The following PLEKHG1 variants were observed in gnomAD, a reference collection of about 807,000 sequenced individuals.
PLEKHG1 encodes pleckstrin homology and RhoGEF domain containing G1, also known as pleckstrin homology domain-containing family G member 1.
In PLEKHG1, 44 loss-of-function variants were observed where a neutral mutation model predicts 100.8. The ratio of observed to expected loss-of-function variants is 0.44; its 90% confidence interval spans 0.34 to 0.56. The LOEUF (loss-of-function observed/expected upper bound fraction) is 0.56, where lower values mean the gene tolerates loss of function less well. Among genes scored for constraint, PLEKHG1 ranks in the 20% least tolerant of loss-of-function variants. The pLI is 0.01. For missense variants in PLEKHG1, 1,545 were observed against 1,720.9 expected, an observed-to-expected ratio of 0.90 and a Z score of 1.81; for synonymous variants, 640 against 662.5, an observed-to-expected ratio of 0.97 and a Z score of 0.52.
chr6:150,823,519 GATCTATAGGGC>G, intron 13 of PLEKHG1, 124 bp from the exon 15 acceptor site: 1 of 615,004 alleles, frequency 1.6e-6, no homozygotes, highest in Non-Finnish European at 2.9e-6. Flanking sequence ...CTGAAAATTA[GATCTATAGGGC>G]CCAGAAGTCA....
At position 150,779,344 on chromosome 6, in the gene PLEKHG1, G is replaced by GTTTTTTTTTTTT. The variant is rs71554482; in HGVS notation, c.513-7038_513-7027dup. Among the ~76,000 whole-genome samples, 224 of 104,500 alleles carry GTTTTTTTTTTTT rather than the reference G, an allele frequency of 2.1e-3. 5 individuals are homozygous for GTTTTTTTTTTTT. Among genetic ancestry groups the GTTTTTTTTTTTT allele is most frequent in the African/African-American group, 9.2e-3 (214 of 23,198 alleles). 68.6% of individuals were successfully genotyped at this position (104,500 alleles called of 152,430 possible). On this transcript the variant is annotated intron_variant, in intron 3 of 15. Transcript: ENST00000358517. ...ACAGGGGGTTAAATATTGTCAAGAA[G>GTTTTTTTTTTTT]TTTTTTTTTTTTTTTTTTTGAGACA...
intron 1 of PLEKHG1, among the ~76,000 whole-genome samples, chr6:150,632,396 C>G (rs960110253): frequency 1.3e-5 from 2 of 152,224 alleles, no homozygotes; most frequent in Non-Finnish European, 2.9e-5. Flanking sequence ...CTTTTATCAT[C>G]GGCCTTGGCC....
chr6:150,619,267 T>C (rs1582821856), intron 1 of PLEKHG1, among the ~76,000 whole-genome samples: 2 of 152,136 alleles, frequency 1.3e-5, no homozygotes, highest in African/African-American at 4.8e-5. Context: ...TCCAGTGGTC[T>C]CCTTTGCACT....
In PLEKHG1 at chr6:150,787,938, A is replaced by G. The variant is rs564395261; in HGVS notation, c.582+1479A>G. 3.3e-5 allele frequency among the ~76,000 whole-genome samples: 5 copies of G among 152,356 alleles called. No homozygotes were observed. In the East Asian group the frequency reaches 9.6e-4, roughly 29 times the overall value. On this transcript the variant is annotated intron_variant, in intron 4 of 15. Coordinates refer to ENST00000358517, the Ensembl canonical transcript of PLEKHG1. Reference sequence around the variant, plus strand: ...GGATTTGAAAAAAAGAAGAAAAATGAAAGAAGGCAAAATGGCTAAAAAGAT... The same window carrying G: ...GGATTTGAAAAAAAGAAGAAAAATGGAAGAAGGCAAAATGGCTAAAAAGAT...
intron 3 of PLEKHG1, among the ~76,000 whole-genome samples, chr6:150,706,613 C>A (rs1464514899): frequency 9.0e-5 from 13 of 143,968 alleles, no homozygotes; most frequent in African/African-American, 7.6e-5. Context: ...GACTCTGTCT[C>A]AAAAAAAAAA....
chr6:150,727,391 A>G (rs1782011455), intron 1 of PLEKHG1, among the ~76,000 whole-genome samples: 1 of 152,224 alleles, frequency 6.6e-6, no homozygotes, highest in Non-Finnish European at 1.5e-5. Flanking sequence ...CTAAGAAACC[A>G]GAGCCAAGAA....
intron 3 of PLEKHG1, among the ~76,000 whole-genome samples, chr6:150,673,701 C>A (rs1260725037): frequency 6.6e-6 from 1 of 151,930 alleles, no homozygotes; most frequent in South Asian, 2.1e-4. Flanking sequence ...TACTCTGTCA[C>A]CCAGGCTGGA....
exon 16 of PLEKHG1, chr6:150,840,535 A>G (rs1048009587): frequency 6.2e-7 from 1 of 1,614,154 alleles, no homozygotes; most frequent in South Asian, 1.1e-5. Context: ...ACACAGAATT[A>G]TTTTTCCAAT....
intron 13 of PLEKHG1, among the ~76,000 whole-genome samples, chr6:150,821,641 G>A (rs993447076): frequency 2.0e-5 from 3 of 151,628 alleles, no homozygotes; most frequent in Admixed American, 6.6e-5. Context: ...CCGAGATCAC[G>A]CCATTGCACT....
At chr6:150,689,335 A>T (rs889715184) in intron 3 of PLEKHG1, among the ~76,000 whole-genome samples, 5 of 152,120 alleles carry the variant, frequency 3.3e-5, no homozygotes, top group Admixed American at 1.3e-4. Context: ...TTTTCAACCT[A>T]CTGGTATTTT....
intron 14 of PLEKHG1, chr6:150,828,352 A>C: frequency 1.9e-6 from 3 of 1,610,566 alleles, no homozygotes; most frequent in East Asian, 4.5e-5. Flanking sequence ...CTCTGTCCTC[A>C]TGAAGAGGGA....
chr6:150,822,605 AAAG>A (rs1416802273), intron 13 of PLEKHG1, among the ~76,000 whole-genome samples: 2 of 152,256 alleles, frequency 1.3e-5, no homozygotes, highest in African/African-American at 2.4e-5. Flanking sequence ...TGTCAAAAAT[AAAG>A]AAGATCTCTA....
chr6:150,787,001 G>C (rs1364056640), intron 4 of PLEKHG1, among the ~76,000 whole-genome samples: 1 of 141,466 alleles, frequency 7.1e-6, no homozygotes, highest in African/African-American at 2.7e-5. Flanking sequence ...TTGCACTCCA[G>C]CCTGGGTGAC....
At position 150,733,573 on chromosome 6, in the gene PLEKHG1, A is replaced by C. The variant is rs1224981519; in HGVS notation, c.-98-11A>C. 1.4e-5 allele frequency: 22 copies of C among 1,590,456 alleles called. No homozygotes were observed. The highest frequency in any genetic ancestry group is 1.7e-5 in the Non-Finnish European group (20 of 1,168,842). On this transcript the variant is annotated splice_polypyrimidine_tract_variant and intron_variant, in intron 1 of 15. Coordinates refer to ENST00000358517, the Ensembl canonical transcript of PLEKHG1. ...TTATCTTGTCCTTTTTATTTTCTTT[A>C]ATGCATATAGATGGGCACCAGTTGC... is the stretch of plus-strand genomic sequence containing the variant.
chr6:150,835,193 T>A (rs1490029789), intron 15 of PLEKHG1, among the ~76,000 whole-genome samples: 1 of 152,116 alleles, frequency 6.6e-6, no homozygotes, highest in African/African-American at 2.4e-5. Flanking sequence ...TGCTCCCATA[T>A]CTTAGAGCCT....
At chr6:150,787,208 G>A (rs1242412165) in intron 4 of PLEKHG1, among the ~76,000 whole-genome samples, 2 of 152,132 alleles carry the variant, frequency 1.3e-5, no homozygotes, top group Non-Finnish European at 2.9e-5. Flanking sequence ...GAGGGATAGA[G>A]AGAAGCAGAA....
chr6:150,620,009 C>T (rs1259804484), intron 1 of PLEKHG1, among the ~76,000 whole-genome samples: 1 of 152,208 alleles, frequency 6.6e-6, no homozygotes, highest in African/African-American at 2.4e-5. Flanking sequence ...ATCTCATTAA[C>T]ACCAGCATTT....
intron 3 of PLEKHG1, among the ~76,000 whole-genome samples, chr6:150,668,999 A>G (rs144094984): frequency 6.6e-6 from 1 of 152,178 alleles, no homozygotes; most frequent in Non-Finnish European, 1.5e-5. Context: ...GCCATTGTTA[A>G]TCTGGATTTA....
chr6:150,628,578 C>CACACACACA (rs1263436444), intron 1 of PLEKHG1, among the ~76,000 whole-genome samples: 8 of 32,134 alleles, frequency 2.5e-4, no homozygotes, highest in South Asian at 1.2e-3. Flanking sequence ...ACACACACAC[C>CACACACACA]CCGTCCTTGC....
Sources: allele counts gnomAD v4.1 joint callset (sites outside exome capture counted in the v4.1 genomes callset), GRCh38; gene constraint gnomAD v4.1.1; transcripts MANE v1.5; gene names NCBI Gene and HGNC (gene_info 2026-07-23, HGNC 2026-07-21).